The following PTPN13 variants were observed in gnomAD, a reference collection of about 807,000 sequenced individuals.
The protein encoded by PTPN13 is protein tyrosine phosphatase non-receptor type 13, also known as tyrosine-protein phosphatase non-receptor type 13.
A neutral mutation model predicts 284.0 loss-of-function variants in PTPN13; 191 were observed. The ratio of observed to expected loss-of-function variants is 0.67; its 90% CI spans 0.60 to 0.76. The LOEUF (loss-of-function observed/expected upper bound fraction) is 0.76. PTPN13 is among the 30% of genes least tolerant of loss of function. The pLI, the probability that PTPN13 is intolerant of heterozygous loss-of-function variation, is 0.00. For missense variants in PTPN13, 2,797 were observed against 2,939.9 expected (o/e 0.95, Z 1.12); for synonymous variants, 986 against 1,022.3 (o/e 0.96, Z 0.68).
At chr4:86,757,494 G>T (rs552472373) in intron 20 of PTPN13, among the ~76,000 whole-genome samples, 2 of 152,094 alleles carry the variant, frequency 1.3e-5, no homozygotes, top group African/African-American at 2.4e-5. Context: ...TTCTGACCAG[G>T]TACCGTGGCT....
intron 1 of PTPN13, among the ~76,000 whole-genome samples, chr4:86,618,850 G>A (rs572158738): frequency 3.2e-3 from 482 of 152,112 alleles, no homozygotes; most frequent in Admixed American, 6.5e-3. Flanking sequence ...GGTTTTCTAG[G>A]TATACAATCA....
intron 20 of PTPN13, among the ~76,000 whole-genome samples, chr4:86,753,409 C>T (rs145467072): frequency 5.3e-5 from 8 of 151,876 alleles, no homozygotes; most frequent in East Asian, 1.9e-4. Context: ...TTCATTCAGA[C>T]GGAACAATAA....
intron 35 of PTPN13, among the ~76,000 whole-genome samples, chr4:86,779,391 TG>T (rs1741032869): frequency 6.8e-6 from 1 of 148,068 alleles, no homozygotes; most frequent in African/African-American, 2.5e-5. Context: ...CACTCCAGCC[TG>T]GGTGACAGAG....
rs544971012 is a variant in PTPN13 at position 86,613,633 on chromosome 4, C to CAAAAAAAAAAAAAAAA, written c.-6+18847_-6+18862dup. On this transcript the variant is annotated intron_variant, in intron 1 of 47. Coordinates refer to ENST00000411767, the MANE Select transcript of PTPN13 (RefSeq NM_080683.3). ...TGGGCGACAAGGTGAGACTCCGTCTCAAAAAAAAAAAAAAAAAAGAGTTTG... is the reference window on the plus strand; with the variant it reads ...TGGGCGACAAGGTGAGACTCCGTCTCAAAAAAAAAAAAAAAAAAAAAAAAAAAAAAAAAAGAGTTTG... 4.3e-3 allele frequency among the ~76,000 whole-genome samples: 263 copies of CAAAAAAAAAAAAAAAA among 61,496 alleles called. 5 individuals are homozygous for CAAAAAAAAAAAAAAAA. Among genetic ancestry groups the CAAAAAAAAAAAAAAAA allele is most frequent in the African/African-American group, 0.011 (194 of 17,306 alleles). 40.3% of individuals were successfully genotyped at this position (61,496 alleles called of 152,430 possible). A position where few individuals can be genotyped will look rare whatever the true frequency, so the allele number is the denominator to read the frequency against.
At chr4:86,629,909 A>G (rs1722278107) in intron 1 of PTPN13, among the ~76,000 whole-genome samples, 1 of 152,004 alleles carries the variant, frequency 6.6e-6, no homozygotes, top group Non-Finnish European at 1.5e-5. Context: ...GGCACGCACC[A>G]TCATGTTCAG....
intron 40 of PTPN13, among the ~76,000 whole-genome samples, chr4:86,795,546 C>T (rs544716204): frequency 3.9e-5 from 6 of 152,278 alleles, no homozygotes; most frequent in South Asian, 4.1e-4. Flanking sequence ...TGGGCATCTA[C>T]CCAAAGGATT....
intron 1 of PTPN13, among the ~76,000 whole-genome samples, chr4:86,595,125 C>T (rs969329403): frequency 5.3e-5 from 8 of 152,202 alleles, no homozygotes; most frequent in African/African-American, 1.9e-4. Context: ...TGACATTGCC[C>T]CGTCGTGCTT....
intron 1 of PTPN13, among the ~76,000 whole-genome samples, chr4:86,620,126 A>G (rs549978894): frequency 2.0e-5 from 3 of 152,328 alleles, no homozygotes; most frequent in Admixed American, 2.0e-4. Flanking sequence ...TGGTAAGATT[A>G]TAAGGGGAGG....
chr4:86,803,963 C>T, intron 43 of PTPN13, 106 bp downstream of exon 43: 3 of 1,297,564 alleles, frequency 2.3e-6, no homozygotes, highest in Non-Finnish European at 3.2e-6. Flanking sequence ...GAAAATTTTC[C>T]AACTCTAAAA....
intron 20 of PTPN13, among the ~76,000 whole-genome samples, chr4:86,754,704 A>C (rs187847317): frequency 7.9e-5 from 12 of 152,218 alleles, no homozygotes; most frequent in Non-Finnish European, 1.6e-4. Context: ...ATAATAATCT[A>C]TTCAAGTATG....
At chr4:86,780,140 T>A (rs1248719122) in intron 35 of PTPN13, among the ~76,000 whole-genome samples, 1 of 152,176 alleles carries the variant, frequency 6.6e-6, no homozygotes. Context: ...GGCTCACACC[T>A]GTAATCTCAG....
intron 30 of PTPN13, among the ~76,000 whole-genome samples, chr4:86,770,750 A>G (rs1739898015): frequency 6.6e-6 from 1 of 152,180 alleles, no homozygotes; most frequent in Non-Finnish European, 1.5e-5. Flanking sequence ...AACTCAGGTA[A>G]AAATTTACAT....
intron 1 of PTPN13, among the ~76,000 whole-genome samples, chr4:86,633,166 A>G (rs1722643253): frequency 6.6e-6 from 1 of 152,114 alleles, no homozygotes; most frequent in Non-Finnish European, 1.5e-5. Flanking sequence ...CATTGCCACT[A>G]TCTAAATTTT....
chr4:86,638,032 T>C (rs896315331), intron 2 of PTPN13, among the ~76,000 whole-genome samples: 2 of 151,828 alleles, frequency 1.3e-5, no homozygotes, highest in East Asian at 1.9e-4. Context: ...TATACACCAA[T>C]AACAGACAAA....
At chr4:86,724,391 G>A (rs1734002030) in intron 10 of PTPN13, among the ~76,000 whole-genome samples, 2 of 152,180 alleles carry the variant, frequency 1.3e-5, no homozygotes, top group Non-Finnish European at 1.5e-5. Flanking sequence ...CACAGTTTTA[G>A]AGAGCTAAGC....
chr4:86,738,621 C>T (rs888634201), intron 15 of PTPN13, among the ~76,000 whole-genome samples: 1 of 152,104 alleles, frequency 6.6e-6, no homozygotes, highest in African/African-American at 2.4e-5. Flanking sequence ...AGTCTTTTAT[C>T]AGATATGTGG....
rs1197740164 is a variant in PTPN13 at position 86,772,924 on chromosome 4, A to T, written c.5315A>T (p.Asn1772Ile). ...TRQENWTPLK[N>I]DLENHLEDFE... ...CAAGAAAACTGGACACCTTTGAAAA[A>T]TGACTTGGAAAATCACCTTGAAGAC... is the stretch of plus-strand genomic sequence containing the variant. The change falls in exon 32 of 48, where the codon AAT becomes ATT. Residue 1772 changes from asparagine (N) to isoleucine (I), a missense_variant. Physicochemically the swap from Asn to Ile is moderately radical, Grantham distance 149 (BLOSUM62 -3). Transcript: ENST00000411767. The T allele has an allele frequency of 5.0e-6, 8 of 1,606,936 alleles. No homozygotes were observed. Among genetic ancestry groups the T allele is most frequent in the Non-Finnish European group, 6.8e-6 (8 of 1,177,046 alleles).
At chr4:86,639,712 G>T (rs934517546) in intron 2 of PTPN13, among the ~76,000 whole-genome samples, 18 of 152,026 alleles carry the variant, frequency 1.2e-4, no homozygotes, top group African/African-American at 4.3e-4. Context: ...ATAGCATTAG[G>T]AGATATACCT....
At chr4:86,637,216 CCAGATGGATTCA>C (rs1723128999) in intron 2 of PTPN13, among the ~76,000 whole-genome samples, 1 of 151,724 alleles carries the variant, frequency 6.6e-6, no homozygotes, top group East Asian at 1.9e-4. Context: ...GAGTCCAGGA[CCAGATGGATTCA>C]CAGCCGAATT....
Sources: allele counts gnomAD v4.1 joint callset (sites outside exome capture counted in the v4.1 genomes callset), GRCh38; gene constraint gnomAD v4.1.1; transcripts MANE v1.5; gene names NCBI Gene and HGNC (gene_info 2026-07-23, HGNC 2026-07-21).